CHSY3: variants seen among roughly 807,000 people sequenced by gnomAD.
The protein encoded by CHSY3 is chondroitin sulfate synthase 3.
CHSY3 carries 35 observed loss-of-function variants against 67.2 expected under a neutral mutation model. The observed-to-expected ratio is 0.52, with a 90% CI of 0.40 to 0.69. The LOEUF is 0.69. Among genes scored for constraint, CHSY3 ranks in the 30% least tolerant of loss-of-function variants. The pLI, the probability that CHSY3 is intolerant of heterozygous loss-of-function variation, is 0.00. For synonymous variants in CHSY3, 474 were observed against 434.7 expected (o/e 1.09, Z -1.12); for missense variants, 1,069 against 1,138.5 (o/e 0.94, Z 0.88).
In CHSY3 at chr5:130,086,950, G is replaced by T. The variant is rs1179796319; in HGVS notation, c.1087-97279G>T. 1.4e-3 allele frequency among the ~76,000 whole-genome samples: 218 copies of T among 151,894 alleles called. 1 individual carries two copies. The highest frequency in any genetic ancestry group is 4.8e-3 in the African/African-American group (198 of 41,330). ...TTTAGACCAATATCCTTGATGAACA[G>T]TGATGCAAAAATCCTCAATAAAATA... is the stretch of plus-strand genomic sequence containing the variant. On this transcript the variant is annotated intron_variant, in intron 2 of 2. Transcript: ENST00000305031.
At chr5:130,108,127 A>T (rs1053949837) in intron 2 of CHSY3, among the ~76,000 whole-genome samples, 3 of 151,550 alleles carry the variant, frequency 2.0e-5, no homozygotes, top group African/African-American at 7.2e-5. Flanking sequence ...GGCAGGAATT[A>T]ATATTCTTGC....
intron 2 of CHSY3, among the ~76,000 whole-genome samples, chr5:130,102,036 T>G (rs1767261148): frequency 6.6e-6 from 1 of 152,182 alleles, no homozygotes; most frequent in African/African-American, 2.4e-5. Flanking sequence ...TGTTGTTACA[T>G]TGGAGTGCTT....
intron 2 of CHSY3, among the ~76,000 whole-genome samples, chr5:130,029,642 T>A (rs1056654542): frequency 6.6e-6 from 1 of 152,176 alleles, no homozygotes; most frequent in Admixed American, 6.6e-5. Flanking sequence ...CACCTTCTGC[T>A]CCTTCCCAAA....
intron 2 of CHSY3, among the ~76,000 whole-genome samples, chr5:130,167,907 C>T (rs887315282): frequency 1.2e-4 from 18 of 151,998 alleles, no homozygotes; most frequent in Non-Finnish European, 1.9e-4. Context: ...CTCTCCTTTT[C>T]CTAGAAGAAA....
At chr5:130,023,919 C>T (rs916527531) in intron 2 of CHSY3, among the ~76,000 whole-genome samples, 5 of 151,778 alleles carry the variant, frequency 3.3e-5, no homozygotes, top group East Asian at 1.9e-4. Flanking sequence ...GACCATTCCC[C>T]GCCCCCCCAA....
chr5:129,905,457 C>A lies in CHSY3; in HGVS notation c.628C>A (p.Gln210Lys). 6.2e-7 allele frequency: 1 copy of A among 1,612,502 alleles called. No individual in the cohort carries two copies. Among genetic ancestry groups the A allele is most frequent in the Non-Finnish European group, 8.5e-7 (1 of 1,179,996 alleles). The change falls in exon 1 of 3, where the codon CAG (glutamine) becomes AAG (lysine). Residue 210 changes from glutamine to lysine, a missense_variant. By Grantham distance (53) the Gln-to-Lys change is moderately conservative (BLOSUM62 1). Around this residue, in one of 5 missense-constraint regions of CHSY3, gnomAD observed 216 missense variants for 311.5 expected, o/e 0.69. Coordinates refer to ENST00000305031, the MANE Select transcript of CHSY3 (RefSeq NM_175856.5). ...CCGCGTGGAGTTCTTTTCCAGCCAG[C>A]AGCCCCCCAACGCCGGCCAGCCCCC... ...PGRVEFFSSQQPPNAGQPPPP... is the reference protein window; with the variant it reads ...PGRVEFFSSQKPPNAGQPPPP...
intron 2 of CHSY3, among the ~76,000 whole-genome samples, chr5:129,925,857 C>A (rs1761088208): frequency 6.6e-6 from 1 of 150,436 alleles, no homozygotes; most frequent in Non-Finnish European, 1.5e-5. Context: ...TTTAGGTATT[C>A]TTGAATATTT....
intron 2 of CHSY3, among the ~76,000 whole-genome samples, chr5:130,044,774 A>G (rs984669906): frequency 6.6e-6 from 1 of 152,070 alleles, no homozygotes; most frequent in Non-Finnish European, 1.5e-5. Context: ...GTAACGTAAG[A>G]AAAGCTTACT....
At chr5:130,061,596 TAATC>T (rs1340539549) in intron 2 of CHSY3, among the ~76,000 whole-genome samples, 3 of 151,914 alleles carry the variant, frequency 2.0e-5, no homozygotes, top group Non-Finnish European at 2.9e-5. Flanking sequence ...GCAAAAGAAA[TAATC>T]AACAGAATAA....
chr5:130,049,056 T>G (rs1765244247), intron 2 of CHSY3, among the ~76,000 whole-genome samples: 1 of 152,048 alleles, frequency 6.6e-6, no homozygotes, highest in African/African-American at 2.4e-5. Context: ...TTTTCAATCC[T>G]CTTCTTCCCT....
chr5:130,029,526 G>T (rs1170508936), intron 2 of CHSY3, among the ~76,000 whole-genome samples: 1 of 151,988 alleles, frequency 6.6e-6, no homozygotes, highest in East Asian at 1.9e-4. Flanking sequence ...TAAATTTACT[G>T]GGTCTCCATG....
At chr5:129,907,399 C>T (rs1760348627) in intron 1 of CHSY3, among the ~76,000 whole-genome samples, 1 of 152,122 alleles carries the variant, frequency 6.6e-6, no homozygotes, top group Non-Finnish European at 1.5e-5. Context: ...AAGAAGGTGA[C>T]TCTCTACTTA....
At chr5:130,019,923 A>T (rs1764318123) in intron 2 of CHSY3, among the ~76,000 whole-genome samples, 2 of 152,150 alleles carry the variant, frequency 1.3e-5, no homozygotes, top group Non-Finnish European at 2.9e-5. Flanking sequence ...AGGGATTTGC[A>T]TTGATTTATT....
chr5:130,124,721 G>A (rs1352656622), intron 2 of CHSY3, among the ~76,000 whole-genome samples: 1 of 152,194 alleles, frequency 6.6e-6, no homozygotes, highest in African/African-American at 2.4e-5. Flanking sequence ...GCCTCCCAAA[G>A]TGATGGGATT....
intron 2 of CHSY3, among the ~76,000 whole-genome samples, chr5:130,020,422 A>AATAT (rs1174657766): frequency 9.0e-4 from 30 of 33,342 alleles, no homozygotes; most frequent in Admixed American, 3.2e-3. Flanking sequence ...TTCATCTCAA[A>AATAT]ATATATATAT....
intron 2 of CHSY3, among the ~76,000 whole-genome samples, chr5:130,094,001 TATC>T (rs1316191136): frequency 6.6e-6 from 1 of 152,124 alleles, no homozygotes; most frequent in Non-Finnish European, 1.5e-5. Flanking sequence ...AATAACAAAA[TATC>T]ATAATGCATA....
chr5:129,938,159 A>G (rs1761568440), intron 2 of CHSY3, among the ~76,000 whole-genome samples: 1 of 152,224 alleles, frequency 6.6e-6, no homozygotes, highest in Admixed American at 6.5e-5. Flanking sequence ...GCAACAGCCC[A>G]AGCTGTACGT....
chr5:130,060,021 C>G (rs1765659548), intron 2 of CHSY3, among the ~76,000 whole-genome samples: 1 of 151,658 alleles, frequency 6.6e-6, no homozygotes, highest in Admixed American at 6.6e-5. Flanking sequence ...CTTACTGAAA[C>G]TATTCCAAAA....
At chr5:129,918,184 C>A (rs572682494) in intron 2 of CHSY3, among the ~76,000 whole-genome samples, 5 of 152,228 alleles carry the variant, frequency 3.3e-5, no homozygotes, top group South Asian at 2.1e-4. Flanking sequence ...ATATTAATTA[C>A]CCTTTTCTTA....
Sources: gnomAD v4.1 joint callset for allele counts (sites outside exome capture counted in the v4.1 genomes callset) on GRCh38, gnomAD v4.1.1 for gene constraint, gnomAD v4.1.1 regional missense constraint, MANE v1.5 for transcripts, NCBI Gene and HGNC (gene_info 2026-07-23, HGNC 2026-07-21) for gene names.